The following RARB variants were observed in gnomAD, a reference collection of about 807,000 sequenced individuals.
RARB encodes retinoic acid receptor beta.
In RARB, 17 loss-of-function variants were observed where a neutral mutation model predicts 51.9. That is an observed-to-expected ratio of 0.33 (90% CI 0.22 to 0.49). RARB has a LOEUF of 0.49. Among genes scored for constraint, RARB ranks in the 20% least tolerant of loss-of-function variants. The probability of loss-of-function intolerance (pLI) is 0.99; values close to 1 mark genes in which losing one functional copy is unlikely to be tolerated. For synonymous variants in RARB, 215 were observed against 195.4 expected, an observed-to-expected ratio of 1.10 and a Z score of -0.84; for missense variants, 369 against 550.8, an observed-to-expected ratio of 0.67 and a Z score of 3.30.
intron 2 of RARB, among the ~76,000 whole-genome samples, chr3:24,981,156 G>A (rs1033937370): frequency 1.3e-5 from 2 of 152,134 alleles, no homozygotes; most frequent in African/African-American, 4.8e-5. Flanking sequence ...TCCCAGAGAG[G>A]GACCCATCTG....
intron 2 of RARB, among the ~76,000 whole-genome samples, chr3:24,864,397 C>T (rs1702811031): frequency 6.6e-6 from 1 of 152,172 alleles, no homozygotes; most frequent in Non-Finnish European, 1.5e-5. Flanking sequence ...CTGGATACTT[C>T]CCTGGCTCTC....
At chr3:25,217,427 A>C (rs189505444) in intron 5 of RARB, among the ~76,000 whole-genome samples, 3 of 152,264 alleles carry the variant, frequency 2.0e-5, no homozygotes, top group Admixed American at 2.0e-4. Context: ...AGCCAATATT[A>C]TGCCTGTATA....
At chr3:25,397,366 T>G (rs536779285) in intron 5 of RARB, among the ~76,000 whole-genome samples, 3 of 152,332 alleles carry the variant, frequency 2.0e-5, no homozygotes, top group Non-Finnish European at 4.4e-5. Flanking sequence ...CATCACACTT[T>G]GGGCACTCAG....
At chr3:25,559,138 C>T (rs994580149) in intron 3 of RARB, among the ~76,000 whole-genome samples, 1 of 152,108 alleles carries the variant, frequency 6.6e-6, no homozygotes, top group African/African-American at 2.4e-5. Context: ...ATCATGTAGC[C>T]ACGTTTTTCC....
intron 3 of RARB, among the ~76,000 whole-genome samples, chr3:25,123,842 C>T (rs901697854): frequency 2.6e-5 from 4 of 152,126 alleles, no homozygotes; most frequent in African/African-American, 4.8e-5. Context: ...ATGTTCTTCA[C>T]GTGGCTATGG....
intron 2 of RARB, among the ~76,000 whole-genome samples, chr3:24,971,942 T>C (rs1009766866): frequency 6.6e-6 from 1 of 151,804 alleles, no homozygotes; most frequent in African/African-American, 2.4e-5. Context: ...ATTTGATACA[T>C]GTGTATAATC....
chr3:25,019,916 C>T (rs1587424), intron 2 of RARB, among the ~76,000 whole-genome samples: 7,491 of 152,012 alleles, frequency 0.049, 276 homozygotes, highest in Non-Finnish European at 0.076. Context: ...ACTCTCAACT[C>T]TCAGCCCAAC....
At chr3:25,097,945 C>G (rs930198008) in intron 3 of RARB, among the ~76,000 whole-genome samples, 1 of 152,106 alleles carries the variant, frequency 6.6e-6, no homozygotes, top group Admixed American at 6.6e-5. Flanking sequence ...AACCATGGTC[C>G]CTACCTTTAA....
chr3:25,114,624 A>G (rs905821709), intron 3 of RARB, among the ~76,000 whole-genome samples: 3 of 152,224 alleles, frequency 2.0e-5, no homozygotes, highest in African/African-American at 7.2e-5. Flanking sequence ...GGCAGCAACC[A>G]TGACATAATT....
At chr3:25,061,314 G>T (rs1056478698) in intron 3 of RARB, among the ~76,000 whole-genome samples, 20 of 151,680 alleles carry the variant, frequency 1.3e-4, no homozygotes, top group Non-Finnish European at 2.7e-4. Context: ...AAGTGTACTG[G>T]GAAGAAATAA....
chr3:25,528,638 CCTTACCTCCTCCTGAGGGATGG>C (rs1278802352), intron 3 of RARB, among the ~76,000 whole-genome samples: 1 of 152,046 alleles, frequency 6.6e-6, no homozygotes, highest in Non-Finnish European at 1.5e-5. Flanking sequence ...GTCTCCTTCC[CCTTACCTCCTCCTGAGGGATGG>C]AAGGGCCCAT....
chr3:25,287,773 G>C (rs1380428902), intron 5 of RARB, among the ~76,000 whole-genome samples: 1 of 152,070 alleles, frequency 6.6e-6, no homozygotes, highest in African/African-American at 2.4e-5. Flanking sequence ...TTATAAAACT[G>C]TATCCAGGAA....
intron 2 of RARB, among the ~76,000 whole-genome samples, chr3:25,495,720 A>G (rs969464865): frequency 6.6e-6 from 1 of 152,224 alleles, no homozygotes; most frequent in Non-Finnish European, 1.5e-5. Context: ...TGTAACACAG[A>G]TCTGTCTTTC....
At chr3:25,211,836 T>C (rs1483260812) in intron 5 of RARB, among the ~76,000 whole-genome samples, 1 of 152,236 alleles carries the variant, frequency 6.6e-6, no homozygotes, top group Non-Finnish European at 1.5e-5. Context: ...CCATGATCCA[T>C]AATTTGCAGA....
chr3:25,563,678 T>C lies in RARB; in HGVS notation c.449-6080T>C, dbSNP rs74393707. On this transcript the variant is annotated intron_variant, in intron 3 of 7. Transcript: ENST00000330688. ...TTTACATGATGAGATTAGAAAATGA[T>C]TTTTTAACTAAAATTAAAGCATGTT... Among the ~76,000 whole-genome samples the C allele has an allele frequency of 5.5e-3, 844 of 152,340 alleles. 7 individuals carry two copies. Among genetic ancestry groups the C allele is most frequent in the South Asian group, 0.02 (96 of 4,826 alleles).
chr3:25,081,942 T>C (rs1699014649), intron 3 of RARB, among the ~76,000 whole-genome samples: 1 of 151,942 alleles, frequency 6.6e-6, no homozygotes, highest in African/African-American at 2.4e-5. Context: ...CTGCTTCATA[T>C]ATTTTTAAGC....
chr3:25,233,912 G>T (rs1452682326), intron 5 of RARB, among the ~76,000 whole-genome samples: 2 of 151,702 alleles, frequency 1.3e-5, no homozygotes, highest in African/African-American at 4.8e-5. Flanking sequence ...CTATCCTTGT[G>T]TCCCCAGAAT....
chr3:25,067,729 TCTTTC>T (rs1698690433), intron 3 of RARB, among the ~76,000 whole-genome samples: 1 of 152,212 alleles, frequency 6.6e-6, no homozygotes, highest in African/African-American at 2.4e-5. Flanking sequence ...TGCCTTCTGG[TCTTTC>T]CTTCTTTTTG....
intron 2 of RARB, among the ~76,000 whole-genome samples, chr3:25,499,315 G>A (rs1697183426): frequency 6.6e-6 from 1 of 152,222 alleles, no homozygotes; most frequent in South Asian, 2.1e-4. Context: ...ACATTCAAGA[G>A]AGTAGTTTCT....
Sources: gnomAD v4.1 joint callset for allele counts (sites outside exome capture counted in the v4.1 genomes callset) on GRCh38, gnomAD v4.1.1 for gene constraint, MANE v1.5 for transcripts, NCBI Gene and HGNC (gene_info 2026-07-23, HGNC 2026-07-21) for gene names.